The following AVPR2 variants were observed in gnomAD, a reference collection of about 807,000 sequenced individuals.
AVPR2 encodes arginine vasopressin receptor 2, also known as vasopressin V2 receptor.
Under a neutral mutation model 12.0 loss-of-function variants are expected in AVPR2, and 3 were observed. The ratio of observed to expected loss-of-function variants is 0.25; its 90% CI spans 0.11 to 0.64. AVPR2 has a LOEUF of 0.64. Among genes scored for constraint, AVPR2 ranks in the 30% least tolerant of loss-of-function variants. AVPR2 has a pLI of 0.84. For missense variants in AVPR2, 279 were observed against 347.9 expected, an observed-to-expected ratio of 0.80 and a Z score of 1.58; for synonymous variants, 143 against 147.5, an observed-to-expected ratio of 0.97 and a Z score of 0.22.
At chrX:153,902,701 C>A (rs1557099664), upstream of AVPR2, 1 of 329,956 alleles carries the variant, frequency 3.0e-6, no homozygotes. Flanking sequence ...GAGGAGACCG[C>A]CATGCGGGCC....
In AVPR2 at chrX:153,906,811, G is replaced by T; in HGVS notation, c.*83G>T. On this transcript the variant is annotated 3_prime_UTR_variant, in exon 4 of 4. Transcript: ENST00000646375. ...GCTGGTCCTGGGAGCCACTGGGAGG[G>T]GGACCCGTGGAGAATTGGCCAGAGC... 1 of 990,643 alleles carries T rather than the reference G, an allele frequency of 1.0e-6. No homozygotes were observed. Among genetic ancestry groups the T allele is most frequent in the Non-Finnish European group, 1.4e-6 (1 of 711,016 alleles). The allele number at this position is 990,643 out of a possible 1,213,427, so 81.6% of individuals were successfully genotyped here.
rs2064975684 is a variant in AVPR2, at chrX:153,907,138, C to G, written c.*410C>G. On this transcript the variant is annotated 3_prime_UTR_variant, in exon 4 of 4. Coordinates refer to ENST00000646375, the MANE Select transcript of AVPR2 (RefSeq NM_000054.7). Reference sequence around the variant, plus strand: ...TAATCCCTCCCTCCTCATTCTCTCCCTAATAAAAATTGGAGCTCATTTTCC... The same window carrying G: ...TAATCCCTCCCTCCTCATTCTCTCCGTAATAAAAATTGGAGCTCATTTTCC... 1 of 358,326 alleles carries G rather than the reference C, an allele frequency of 2.8e-6. No homozygotes were observed. The highest frequency in any genetic ancestry group is 5.3e-6 in the Non-Finnish European group (1 of 189,029). The allele number at this position is 358,326 out of a possible 1,213,427, so 29.5% of individuals were successfully genotyped here.
chrX:153,904,050 T>C (rs2064947345), upstream of AVPR2, among the ~76,000 whole-genome samples: 1 of 111,969 alleles, frequency 8.9e-6, no homozygotes, highest in East Asian at 2.8e-4. Flanking sequence ...TGTGTGGCTG[T>C]ATCATGTGAG....
chrX:153,903,064 A>G (rs1569545446), upstream of AVPR2, among the ~76,000 whole-genome samples: 2 of 112,632 alleles, frequency 1.8e-5, no homozygotes, highest in Non-Finnish European at 3.8e-5. Flanking sequence ...TGGCCTGTTC[A>G]AGGTCACACT....
chrX:153,906,602 C>T lies in AVPR2; in HGVS notation c.990C>T (p.Ser330=). The T allele has an allele frequency of 8.3e-7, 1 of 1,199,673 alleles. No individual in the cohort carries two copies. Among genetic ancestry groups the T allele is most frequent in the Admixed American group, 2.2e-5 (1 of 45,187 alleles). Residue 330 remains serine, a synonymous_variant, in exon 4 of 4, where the codon AGC becomes AGT. Transcript: ENST00000646375. ...TNPWIYASFS[S]SVSSELRSLL... ...CCTGGATCTATGCATCTTTCAGCAG[C>T]AGCGTGTCCTCAGAGCTGCGAAGCT...
upstream of AVPR2, among the ~76,000 whole-genome samples, chrX:153,903,899 G>A (rs2064946245): frequency 9.2e-6 from 1 of 108,955 alleles, no homozygotes; most frequent in Admixed American, 9.7e-5. Context: ...CTGGGATGGG[G>A]GCTGGAGGGG....
At chrX:153,903,903 G>A (rs2064946289), upstream of AVPR2, among the ~76,000 whole-genome samples, 1 of 109,137 alleles carries the variant, frequency 9.2e-6, no homozygotes, top group Non-Finnish European at 1.9e-5. Flanking sequence ...GATGGGGGCT[G>A]GAGGGGGTGT....
intron 1 of AVPR2, 28 bp from the exon 2 acceptor site, chrX:153,904,946 A>ACCATCCCTCTCAAT (rs1569545489): frequency 3.7e-6 from 2 of 539,967 alleles, no homozygotes; most frequent in Non-Finnish European, 6.3e-6. Flanking sequence ...CGTCTGTCTG[A>ACCATCCCTCTCAAT]CCATCCCTCT....
Position 153,906,664 on chromosome X carries a change from T to G in AVPR2, c.1052T>G (p.Leu351Arg). The G allele has an allele frequency of 8.3e-7, 1 of 1,210,579 alleles. No individual in the cohort carries two copies. The highest frequency in any genetic ancestry group is 1.1e-6 in the Non-Finnish European group (1 of 894,278). The stretch of plus-strand genomic sequence containing the variant: ...GCCCGGGGACGCACCCCACCCAGCC[T>G]GGGTCCCCAAGATGAGTCCTGCACC... ...CCARGRTPPSLGPQDESCTTA... is the reference protein window; with the variant it reads ...CCARGRTPPSRGPQDESCTTA... The change falls in exon 4 of 4, where the codon CTG becomes CGG. Residue 351 changes from leucine (L) to arginine (R), a missense_variant. Transcript: ENST00000646375.
At chrX:153,903,264 C>T (rs185228856), upstream of AVPR2, among the ~76,000 whole-genome samples, 2 of 113,340 alleles carry the variant, frequency 1.8e-5, no homozygotes, top group East Asian at 5.5e-4. Flanking sequence ...GATGTGCATG[C>T]GCTGAGGAGA....
chrX:153,904,300 G>C (rs1164145587), upstream of AVPR2, among the ~76,000 whole-genome samples: 3 of 112,846 alleles, frequency 2.7e-5, no homozygotes, highest in African/African-American at 6.4e-5. Context: ...GGGGCCCAGC[G>C]AAAGTGTTTT....
upstream of AVPR2, among the ~76,000 whole-genome samples, chrX:153,903,540 C>G (rs782257713): frequency 1.0e-4 from 8 of 80,193 alleles, no homozygotes; most frequent in East Asian, 3.2e-3. Flanking sequence ...TGTGGTGTGG[C>G]GTATGGGTGT....
At position 153,906,302 on chromosome X, in the gene AVPR2, G is replaced by A; in HGVS notation, c.796G>A (p.Val266Met). The A allele has an allele frequency of 4.9e-6, 6 of 1,212,397 alleles. No individual in the cohort carries two copies. Among genetic ancestry groups the A allele is most frequent in the Non-Finnish European group, 5.6e-6 (5 of 895,626 alleles). ...PGEGAHVSAA[V>M]AKTVRMTLVI... ...TGAGGGAGCCCACGTGTCAGCAGCT[G>A]TGGCCAAGACTGTGAGGATGACGCT... The change falls in exon 3 of 4, where the codon GTG becomes ATG. Residue 266 changes from valine to methionine, a missense_variant. Physicochemically the swap from Val to Met is conservative, Grantham distance 21. Coordinates refer to ENST00000646375, the MANE Select transcript of AVPR2 (RefSeq NM_000054.7).
chrX:153,904,866 T>C, intron 1 of AVPR2, 95 bp downstream of exon 1: 1 of 438,627 alleles, frequency 2.3e-6, no homozygotes, highest in South Asian at 3.2e-5. Context: ...GTTCTGCGTG[T>C]CTGTCTGGGG....
At position 153,907,056 on chromosome X, in the gene AVPR2, G is replaced by A. The variant is rs1557101310; in HGVS notation, c.*328G>A. ...CCCCCAGGTGAGACAGCGGTCCCAG[G>A]GGCCTGAAAAGGAAGGACCAGGCTG... On this transcript the variant is annotated 3_prime_UTR_variant, in exon 4 of 4. Transcript: ENST00000646375. 13 of 433,303 alleles carry A rather than the reference G, an allele frequency of 3.0e-5. No individual in the cohort carries two copies. Among genetic ancestry groups the A allele is most frequent in the Non-Finnish European group, 5.5e-5 (13 of 236,728 alleles). The allele number at this position is 433,303 out of a possible 1,213,427, so 35.7% of individuals were successfully genotyped here. A position where few individuals can be genotyped will look rare whatever the true frequency, so the allele number is the denominator to read the frequency against.
chrX:153,905,202 C>T, intron 2 of AVPR2, 32 bp downstream of exon 2: 1 of 1,210,422 alleles, frequency 8.3e-7, no homozygotes, highest in African/African-American at 1.7e-5. Flanking sequence ...GTCCGGTGGG[C>T]AGAGTGGGTT....
chrX:153,904,038 G>T (rs909108519), upstream of AVPR2, among the ~76,000 whole-genome samples: 1 of 112,123 alleles, frequency 8.9e-6, no homozygotes, highest in Non-Finnish European at 1.9e-5. Flanking sequence ...TGTGTTTGTG[G>T]CTGTGTGGCT....
upstream of AVPR2, among the ~76,000 whole-genome samples, chrX:153,903,256 T>C (rs1032772720): frequency 1.8e-5 from 2 of 113,240 alleles, no homozygotes; most frequent in Non-Finnish European, 3.7e-5. Context: ...AGCATGAGGA[T>C]GTGCATGCGC....
In AVPR2 at chrX:153,906,832, A is replaced by G; in HGVS notation, c.*104A>G. On this transcript the variant is annotated 3_prime_UTR_variant, in exon 4 of 4. Transcript: ENST00000646375. ...GAGGGGGACCCGTGGAGAATTGGCC[A>G]GAGCCTGTGGCCCCGAGGCTGGGAC... 1.1e-6 allele frequency: 1 copy of G among 885,328 alleles called. No homozygotes were observed. Among genetic ancestry groups the G allele is most frequent in the Middle Eastern group, 2.9e-4 (1 of 3,397 alleles). 73.0% of individuals were successfully genotyped at this position (885,328 alleles called of 1,213,427 possible). A position where few individuals can be genotyped will look rare whatever the true frequency, so the allele number is the denominator to read the frequency against.
Sources: allele counts gnomAD v4.1 joint callset (sites outside exome capture counted in the v4.1 genomes callset), GRCh38; gene constraint gnomAD v4.1.1; transcripts MANE v1.5; gene names NCBI Gene and HGNC (gene_info 2026-07-23, HGNC 2026-07-21).